DOCK4: variants seen among roughly 807,000 people sequenced by gnomAD.
DOCK4 encodes the protein dedicator of cytokinesis 4.
DOCK4 carries 97 observed loss-of-function variants against 268.1 expected under a neutral mutation model. The ratio of observed to expected loss-of-function variants is 0.36; its 90% confidence interval spans 0.31 to 0.43. The LOEUF is 0.43. Among genes scored for constraint, DOCK4 ranks in the 20% least tolerant of loss-of-function variants. The pLI is 1.00. For missense variants in DOCK4, 2,145 were observed against 2,455.7 expected, an observed-to-expected ratio of 0.87 and a Z score of 2.67; for synonymous variants, 954 against 887.2, an observed-to-expected ratio of 1.08 and a Z score of -1.34.
chr7:111,769,691 G>C lies in DOCK4; in HGVS notation c.3680-14C>G. 1 of 1,611,166 alleles carries C rather than the reference G, an allele frequency of 6.2e-7. No homozygotes were observed. Among genetic ancestry groups the C allele is most frequent in the Non-Finnish European group, 8.5e-7 (1 of 1,178,180 alleles). ...TATATGCAGCTTCTGCAAGTCACGTGAGAAGACAATGATTGAGACAGGACC... is the reference window on the plus strand; with the variant it reads ...TATATGCAGCTTCTGCAAGTCACGTCAGAAGACAATGATTGAGACAGGACC... On this transcript the variant is annotated splice_polypyrimidine_tract_variant and intron_variant, in intron 36 of 52. Transcript: ENST00000428084.
intron 1 of DOCK4, among the ~76,000 whole-genome samples, chr7:112,177,922 A>G (rs1818670818): frequency 6.6e-6 from 1 of 152,226 alleles, no homozygotes; most frequent in South Asian, 2.1e-4. Flanking sequence ...ATGACTGGCC[A>G]CGAGCTCTCA....
rs1396802608 is a variant in DOCK4, at chr7:112,139,428, T to C, written c.37+66674A>G. Among the ~76,000 whole-genome samples, 4 of 152,168 alleles carry C rather than the reference T, an allele frequency of 2.6e-5. No individual in the cohort carries two copies. The South Asian group carries it at 6.2e-4, about 24-fold the overall frequency. ...AACAGAAGGCACTCCCACTGGTCTA[T>C]TAGGCAGCAATTTCATAAATAGTTA... On this transcript the variant is annotated intron_variant, in intron 1 of 52. Transcript: ENST00000428084.
At chr7:111,844,633 T>G in intron 25 of DOCK4, 130 bp downstream of exon 25, 1 of 1,214,698 alleles carries the variant, frequency 8.2e-7, no homozygotes, top group African/African-American at 1.5e-5. Flanking sequence ...GGTAACCTCA[T>G]ATGATTTTGA....
intron 12 of DOCK4, among the ~76,000 whole-genome samples, chr7:111,926,026 C>T (rs571235258): frequency 5.0e-4 from 72 of 145,262 alleles, no homozygotes; most frequent in Middle Eastern, 3.6e-3. Flanking sequence ...ACCCGGGAGG[C>T]GGAGGTTGTA....
intron 1 of DOCK4, among the ~76,000 whole-genome samples, chr7:112,151,316 C>T (rs1040847703): frequency 1.3e-5 from 2 of 152,052 alleles, no homozygotes; most frequent in African/African-American, 4.8e-5. Flanking sequence ...ACATCTACCT[C>T]ATAGGTCTGT....
chr7:111,876,709 T>C (rs1472885038), intron 17 of DOCK4, among the ~76,000 whole-genome samples: 1 of 150,846 alleles, frequency 6.6e-6, no homozygotes, highest in Non-Finnish European at 1.5e-5. Flanking sequence ...GCACTGTTTA[T>C]GGAGCTATAA....
intron 1 of DOCK4, among the ~76,000 whole-genome samples, chr7:112,190,873 A>C (rs939277245): frequency 1.3e-5 from 2 of 151,992 alleles, no homozygotes; most frequent in Non-Finnish European, 2.9e-5. Flanking sequence ...GAGCATACCA[A>C]CTCCTTGGAC....
chr7:111,741,613 T>C lies in DOCK4; in HGVS notation c.4846A>G (p.Ser1616Gly). ...QASPVHFPNG[S>G]PRVCRNSAPA... ...GCTGAGTTTCTACACACACGAGGGC[T>C]TCCATTAGGAAAATGGACAGGACTG... Residue 1616 changes from serine to glycine, a missense_variant, in exon 46 of 53, where the codon AGC (serine) becomes GGC (glycine). Ser to Gly is a moderately conservative substitution (Grantham distance 56). This residue lies in a region of DOCK4 where 547 missense variants were observed against 469.0 expected (regional missense o/e 1.17). Transcript: ENST00000428084. 6.2e-7 allele frequency: 1 copy of C among 1,613,642 alleles called. No individual in the cohort carries two copies. The highest frequency in any genetic ancestry group is 1.7e-5 in the Admixed American group (1 of 59,982).
At chr7:112,041,003 C>T (rs571457339) in intron 1 of DOCK4, among the ~76,000 whole-genome samples, 6 of 151,974 alleles carry the variant, frequency 3.9e-5, no homozygotes, top group African/African-American at 1.2e-4. Context: ...ACGTTTTTGA[C>T]AAATGATCAA....
At chr7:112,142,838 C>T (rs895022755) in intron 1 of DOCK4, among the ~76,000 whole-genome samples, 3 of 151,946 alleles carry the variant, frequency 2.0e-5, no homozygotes, top group African/African-American at 7.3e-5. Flanking sequence ...AAGGCATATA[C>T]CCTTCTGCAA....
chr7:112,163,573 TATTATTTATTTA>T (rs1817330309), intron 1 of DOCK4, among the ~76,000 whole-genome samples: 1 of 152,138 alleles, frequency 6.6e-6, no homozygotes, highest in Non-Finnish European at 1.5e-5. Flanking sequence ...TTTATTGACT[TATTATTTATTTA>T]ATTATTTATT....
intron 1 of DOCK4, among the ~76,000 whole-genome samples, chr7:112,187,738 G>A (rs2116757563): frequency 6.6e-6 from 1 of 152,270 alleles, no homozygotes; most frequent in Admixed American, 6.5e-5. Context: ...AATGCAACCA[G>A]TCGATGGAAT....
intron 13 of DOCK4, among the ~76,000 whole-genome samples, chr7:111,908,685 G>A (rs1457679264): frequency 6.6e-6 from 1 of 151,888 alleles, no homozygotes; most frequent in Non-Finnish European, 1.5e-5. Context: ...TTGTCCTAAT[G>A]CTCTCCCTCC....
At chr7:112,062,711 G>A (rs142001549) in intron 1 of DOCK4, among the ~76,000 whole-genome samples, 11 of 152,042 alleles carry the variant, frequency 7.2e-5, no homozygotes, top group African/African-American at 1.9e-4. Context: ...ACAGAGTCTC[G>A]CTCTGTCACC....
At chr7:111,783,018 G>GAA (rs35825505) in intron 34 of DOCK4, 94 bp from the exon 35 acceptor site, 826 of 512,062 alleles carry the variant, frequency 1.6e-3, no homozygotes, top group South Asian at 3.4e-3. Flanking sequence ...AAGAAAGAAA[G>GAA]AAAAAAAAAA....
At chr7:112,004,197 T>C (rs574410624) in intron 1 of DOCK4, 66 bp from the exon 2 acceptor site, 3 of 1,242,156 alleles carry the variant, frequency 2.4e-6, no homozygotes, top group South Asian at 1.3e-5. Context: ...TTACATGTTA[T>C]TGACTAGGAA....
chr7:111,990,211 T>C (rs904513842), intron 5 of DOCK4, among the ~76,000 whole-genome samples: 6 of 152,212 alleles, frequency 3.9e-5, no homozygotes, highest in African/African-American at 1.4e-4. Context: ...AGTACTGTTA[T>C]TGCTTTGGGC....
Position 111,788,728 on chromosome 7 carries a change from T to C in DOCK4, c.3335A>G (p.Asp1112Gly), listed in dbSNP as rs1436768111. ...NFKQVEAKLI[D>G]KLDSLMSEGK... ...TTCTGACATCAGGCTATCCAGTTTG[T>C]CAATTAGCTTGGCTTCCACCTGAAA... Residue 1112 changes from aspartate to glycine, a missense_variant, in exon 32 of 53, where the codon GAC (aspartate) becomes GGC (glycine). Transcript: ENST00000428084. The C allele has an allele frequency of 6.3e-7, 1 of 1,591,310 alleles. No individual in the cohort carries two copies. The highest frequency in any genetic ancestry group is 1.3e-5 in the African/African-American group (1 of 74,672).
intron 1 of DOCK4, among the ~76,000 whole-genome samples, chr7:112,077,675 G>A (rs1278823139): frequency 1.3e-5 from 2 of 152,068 alleles, no homozygotes; most frequent in Non-Finnish European, 2.9e-5. Flanking sequence ...ATGTGCGTGT[G>A]TGTGTTTTTT....
Sources: gnomAD v4.1 joint callset for allele counts (sites outside exome capture counted in the v4.1 genomes callset) on GRCh38, gnomAD v4.1.1 for gene constraint, gnomAD v4.1.1 regional missense constraint, MANE v1.5 for transcripts, NCBI Gene and HGNC (gene_info 2026-07-23, HGNC 2026-07-21) for gene names.